LOXL4: variants seen among roughly 807,000 people sequenced by gnomAD.
LOXL4 encodes lysyl oxidase like 4, also known as lysyl oxidase homolog 4.
Under a neutral mutation model 89.1 loss-of-function variants are expected in LOXL4, and 72 were observed. That is an observed-to-expected ratio of 0.81 (90% confidence interval 0.67 to 0.98). LOXL4 has a LOEUF of 0.98. Ranked by LOEUF, LOXL4 falls within the 50% of genes least tolerant of loss-of-function variation. The pLI is 0.00. For synonymous variants in LOXL4, 355 were observed against 392.1 expected, an observed-to-expected ratio of 0.91 and a Z score of 1.12; for missense variants, 984 against 1,017.5, an observed-to-expected ratio of 0.97 and a Z score of 0.45.
chr10:98,256,710 G>T, intron 9 of LOXL4, 70 bp downstream of exon 9: 1 of 1,581,184 alleles, frequency 6.3e-7, no homozygotes. Context: ...AGCAGCTTTA[G>T]CACAGGAAGT....
At chr10:98,260,057 T>A (rs1006324067) in intron 4 of LOXL4, among the ~76,000 whole-genome samples, 2 of 152,212 alleles carry the variant, frequency 1.3e-5, no homozygotes, top group Non-Finnish European at 1.5e-5. Flanking sequence ...ACTTCTCACT[T>A]GATGGGAAAC....
intron 11 of LOXL4, 72 bp downstream of exon 11, chr10:98,253,481 G>A (rs1381740063): frequency 5.6e-6 from 9 of 1,599,640 alleles, no homozygotes; most frequent in Admixed American, 3.3e-5. Flanking sequence ...GGCCAGGGAA[G>A]GGCCAAACTG....
chr10:98,263,079 TCAC>T lies in LOXL4; in HGVS notation c.-32-31_-32-29del, dbSNP rs376579900. 178 of 1,571,252 alleles carry T rather than the reference TCAC, an allele frequency of 1.1e-4. 1 individual carries two copies. In the Middle Eastern group the frequency reaches 2.2e-3, roughly 19 times the overall value. ...GAGGAATGAGTAAACATGACAGTGA[TCAC>T]CACCTCTACCCAGATCTCAGACCTC... On this transcript the variant is annotated intron_variant, in intron 1 of 14. Transcript: ENST00000260702.
chr10:98,248,767 G>A lies in LOXL4; in HGVS notation c.*154C>T, dbSNP rs1858105474. The A allele has an allele frequency of 3.0e-6, 2 of 662,188 alleles. No homozygotes were observed. Among genetic ancestry groups the A allele is most frequent in the South Asian group, 3.8e-5 (2 of 52,730 alleles). 41.0% of individuals were successfully genotyped at this position (662,188 alleles called of 1,614,324 possible). The stretch of plus-strand genomic sequence containing the variant: ...CTGAGGGAGCAATACCATCTGGATT[G>A]GTGATCTTGCCATCAAAAGGCTTCC... On this transcript the variant is annotated 3_prime_UTR_variant, in exon 15 of 15. Transcript: ENST00000260702.
At chr10:98,258,955 T>G (rs2135837371) in intron 6 of LOXL4, 54 bp downstream of exon 6, 1 of 1,404,386 alleles carries the variant, frequency 7.1e-7, no homozygotes, top group Non-Finnish European at 9.6e-7. Context: ...CACCAGGCAG[T>G]GTCCCGCCCG....
rs11592091 is a variant in LOXL4, at chr10:98,258,832, G to T, written c.921+177C>A. Among the ~76,000 whole-genome samples the T allele has an allele frequency of 4.3e-3, 648 of 152,290 alleles. 4 individuals are homozygous for T. The highest frequency in any genetic ancestry group is 7.7e-3 in the Non-Finnish European group (523 of 68,016). ...ATGTCAGCTTTCCATTTATGGTAGG[G>T]CTATAAATGATCCCTTTTAAATACA... On this transcript the variant is annotated intron_variant, in intron 6 of 14. Transcript: ENST00000260702.
Position 98,256,971 on chromosome 10 carries a change from G to A in LOXL4, c.1261-24C>T, listed in dbSNP as rs1324494539. 5 of 1,609,652 alleles carry A rather than the reference G, an allele frequency of 3.1e-6. No individual in the cohort carries two copies. In the African/African-American group the frequency reaches 6.7e-5, roughly 22 times the overall value. ...ACCTGCAATGGCGAGGGGTGTGTGAGGAGTGGGGTAGCCTTGCAGGGAAGA... is the reference window on the plus strand; with the variant it reads ...ACCTGCAATGGCGAGGGGTGTGTGAAGAGTGGGGTAGCCTTGCAGGGAAGA... On this transcript the variant is annotated intron_variant, in intron 8 of 14. Coordinates refer to ENST00000260702, the MANE Select transcript of LOXL4 (RefSeq NM_032211.7).
At chr10:98,264,473 A>G (rs1037389568) in intron 1 of LOXL4, among the ~76,000 whole-genome samples, 2 of 151,588 alleles carry the variant, frequency 1.3e-5, no homozygotes, top group African/African-American at 4.9e-5. Context: ...GCCAATGATC[A>G]AGGGCCATGT....
chr10:98,249,652 G>C (rs540763343), intron 14 of LOXL4, among the ~76,000 whole-genome samples: 32 of 152,166 alleles, frequency 2.1e-4, no homozygotes, highest in Non-Finnish European at 4.6e-4. Context: ...GCACACTTCT[G>C]TTTAGCCCTG....
intron 14 of LOXL4, 101 bp from the exon 15 acceptor site, chr10:98,249,092 C>G: frequency 1.2e-6 from 1 of 857,414 alleles, no homozygotes; most frequent in Middle Eastern, 2.2e-4. Flanking sequence ...TCCTTTATAT[C>G]AAGTCATGGC....
intron 10 of LOXL4, 151 bp downstream of exon 10, chr10:98,255,426 G>T: frequency 1.3e-6 from 1 of 797,978 alleles, no homozygotes; most frequent in Non-Finnish European, 1.9e-6. Flanking sequence ...GATGGGATGG[G>T]TGATTTGGCC....
In LOXL4 at chr10:98,252,356, TG is replaced by T. The variant is rs1858217902; in HGVS notation, c.1947del (p.Thr650GlnfsTer17). 1 of 1,610,122 alleles carries T rather than the reference TG, an allele frequency of 6.2e-7. No homozygotes were observed. Among genetic ancestry groups the T allele is most frequent in the Non-Finnish European group, 8.5e-7 (1 of 1,176,490 alleles). On this transcript the variant is annotated frameshift_variant, in exon 12 of 15. Coordinates refer to ENST00000260702, the MANE Select transcript of LOXL4 (RefSeq NM_032211.7). LOFTEE classifies it high-confidence loss of function. ...ASFCLEDTNC[P>X]TGLQRRYACA... ...GTGCTGACAGGAAACCACATACCTG[TG>T]GGGCAGTTTGTGTCCTCCAGACAGA...
At chr10:98,263,149 AC>A (rs1273705313) in intron 1 of LOXL4, 98 bp from the exon 2 acceptor site, 5 of 905,976 alleles carry the variant, frequency 5.5e-6, no homozygotes, top group Non-Finnish European at 4.8e-6. Flanking sequence ...AGGAAAGAAA[AC>A]CCCCCTCAAA....
intron 7 of LOXL4, 34 bp from the exon 8 acceptor site, chr10:98,257,838 C>G (rs1445650068): frequency 6.3e-7 from 1 of 1,596,620 alleles, no homozygotes; most frequent in Admixed American, 1.7e-5. Context: ...GTGCGAGGCT[C>G]CATCTCCGTA....
chr10:98,251,293 C>A, intron 13 of LOXL4, 117 bp from the exon 14 acceptor site: 2 of 882,078 alleles, frequency 2.3e-6, no homozygotes, highest in South Asian at 1.6e-5. Context: ...TAACAATTAC[C>A]CAGGAGGTAG....
At chr10:98,261,950 T>C in intron 3 of LOXL4, 85 bp downstream of exon 3, 1 of 1,387,588 alleles carries the variant, frequency 7.2e-7, no homozygotes, top group Non-Finnish European at 9.6e-7. Flanking sequence ...TTCCCCTCGC[T>C]TATCCTCTAG....
At chr10:98,254,494 G>GAAAAAA in intron 10 of LOXL4, among the ~76,000 whole-genome samples, 1 of 152,346 alleles carries the variant, frequency 6.6e-6, no homozygotes, top group Non-Finnish European at 1.5e-5. Flanking sequence ...AGAGAGCCAG[G>GAAAAAA]AAGTGCCCAC....
chr10:98,251,638 G>A lies in LOXL4; in HGVS notation c.2016C>T (p.Asp672=). The change falls in exon 13 of 15, where the codon GAC becomes GAT. Residue 672 remains aspartate, a synonymous_variant. Coordinates refer to ENST00000260702, the MANE Select transcript of LOXL4 (RefSeq NM_032211.7). ...GEQGVTVGCW[D]TYRHDIDCQW... The stretch of plus-strand genomic sequence containing the variant: ...GGCAATCAATGTCATGCCGGTAGGT[G>A]TCCCAGCAGCCTACAGTCACTCCCT... The A allele has an allele frequency of 2.5e-6, 4 of 1,614,236 alleles. No individual in the cohort carries two copies. The highest frequency in any genetic ancestry group is 3.4e-6 in the Non-Finnish European group (4 of 1,180,032).
At chr10:98,250,666 A>G (rs1301398093) in intron 14 of LOXL4, among the ~76,000 whole-genome samples, 1 of 152,200 alleles carries the variant, frequency 6.6e-6, no homozygotes, top group African/African-American at 2.4e-5. Flanking sequence ...AGCTGGAGAC[A>G]GCAACACAGA....
Sources: gnomAD v4.1 joint callset for allele counts (sites outside exome capture counted in the v4.1 genomes callset) on GRCh38, gnomAD v4.1.1 for gene constraint, MANE v1.5 for transcripts, NCBI Gene and HGNC (gene_info 2026-07-23, HGNC 2026-07-21) for gene names.